The following TNS3 variants were observed in gnomAD, a reference collection of about 807,000 sequenced individuals.
The protein encoded by TNS3 is tensin 3.
In TNS3, 45 loss-of-function variants were observed where a neutral mutation model predicts 140.9. The ratio of observed to expected loss-of-function variants is 0.32; its 90% CI spans 0.25 to 0.41. TNS3 has a LOEUF of 0.41. Ranked by LOEUF, TNS3 falls within the 10% of genes least tolerant of loss-of-function variation. The probability of loss-of-function intolerance (pLI) is 1.00; values close to 1 mark genes in which losing one functional copy is unlikely to be tolerated. For missense variants in TNS3, 1,716 were observed against 1,906.7 expected (o/e 0.90, Z 1.86); for synonymous variants, 815 against 788.4 (o/e 1.03, Z -0.56).
chr7:47,438,697 G>C (rs1013844288), intron 6 of TNS3, among the ~76,000 whole-genome samples: 1 of 152,180 alleles, frequency 6.6e-6, no homozygotes, highest in Non-Finnish European at 1.5e-5. Context: ...ATCCTACTCT[G>C]CCACTTGGGT....
intron 4 of TNS3, among the ~76,000 whole-genome samples, chr7:47,450,656 G>A (rs553619088): frequency 6.6e-6 from 1 of 152,202 alleles, no homozygotes; most frequent in East Asian, 1.9e-4. Flanking sequence ...CAGAAAGCAG[G>A]TCTCCACTAT....
intron 4 of TNS3, among the ~76,000 whole-genome samples, chr7:47,447,686 G>A (rs1281631153): frequency 3.3e-5 from 5 of 152,166 alleles, no homozygotes; most frequent in Admixed American, 3.3e-4. Flanking sequence ...CTCCTGCAGG[G>A]CGCCATCCTG....
At chr7:47,352,307 T>C (rs111778008) in intron 17 of TNS3, among the ~76,000 whole-genome samples, 2,136 of 151,652 alleles carry the variant, frequency 0.014, 52 homozygotes, top group African/African-American at 0.049. Flanking sequence ...CACACTCACA[T>C]TCAGTCTCAG....
In TNS3 at chr7:47,303,241, T is replaced by C. The variant is rs1786520451; in HGVS notation, c.3166A>G (p.Thr1056Ala). 3 of 1,613,646 alleles carry C rather than the reference T, an allele frequency of 1.9e-6. No homozygotes were observed. The highest frequency in any genetic ancestry group is 2.5e-6 in the Non-Finnish European group (3 of 1,180,012). Residue 1056 changes from threonine to alanine, a missense_variant, in exon 22 of 31, where the codon ACA (threonine) becomes GCA (alanine). By Grantham distance (58) the Thr-to-Ala change is moderately conservative (BLOSUM62 0). Around this residue, in one of 3 missense-constraint regions of TNS3, gnomAD observed 1,163 missense variants for 1,182.1 expected, o/e 0.98. Transcript: ENST00000311160. The stretch of plus-strand genomic sequence containing the variant: ...CCATTGTCGGCAGCCCCTGTCGCTG[T>C]CAGCGGGATGCTGGGGGTCGGTGAC... ...GASPTPSIPLTATGAADNGFL... is the reference protein window; with the variant it reads ...GASPTPSIPLAATGAADNGFL...
Position 47,575,176 on chromosome 7 carries a change from TG to T in TNS3, c.-265+6874del, listed in dbSNP as rs1800647625. Among the ~76,000 whole-genome samples the T allele has an allele frequency of 2.6e-5, 4 of 152,174 alleles. No individual in the cohort carries two copies. The South Asian group carries it at 8.3e-4, about 32-fold the overall frequency. ...ATGTAAATGATCAATGAACAAATAG[TG>T]AAGTCCAAATATCATGGTACATCCA... On this transcript the variant is annotated intron_variant, in intron 1 of 30. Transcript: ENST00000311160.
intron 4 of TNS3, among the ~76,000 whole-genome samples, chr7:47,463,947 A>G (rs1796595542): frequency 6.6e-6 from 1 of 152,208 alleles, no homozygotes; most frequent in Non-Finnish European, 1.5e-5. Flanking sequence ...GCCAGTTTCT[A>G]ATTCTAATGC....
chr7:47,380,569 G>A (rs1232947268), intron 16 of TNS3, among the ~76,000 whole-genome samples: 2 of 152,120 alleles, frequency 1.3e-5, no homozygotes, highest in East Asian at 1.9e-4. Flanking sequence ...TAAAGCATCC[G>A]TTCTGCTGAT....
chr7:47,404,650 G>A (rs1168249250), intron 13 of TNS3, among the ~76,000 whole-genome samples: 1 of 151,990 alleles, frequency 6.6e-6, no homozygotes, highest in Admixed American at 6.5e-5. Context: ...ACTTTGGGAG[G>A]CCGAGGCAGG....
chr7:47,358,077 T>C (rs1053812035), intron 17 of TNS3, among the ~76,000 whole-genome samples: 7 of 152,074 alleles, frequency 4.6e-5, no homozygotes, highest in African/African-American at 1.2e-4. Context: ...CCTGTTCACA[T>C]GCATTGGTTT....
intron 23 of TNS3, among the ~76,000 whole-genome samples, chr7:47,299,852 G>A (rs1005677842): frequency 7.2e-5 from 11 of 152,204 alleles, no homozygotes; most frequent in Admixed American, 1.3e-4. Context: ...CACTGGCATC[G>A]CATTCCTCAC....
intron 28 of TNS3, among the ~76,000 whole-genome samples, chr7:47,281,123 T>C (rs1785124502): frequency 6.6e-6 from 1 of 152,186 alleles, no homozygotes. Context: ...CCAAGTCAGA[T>C]GCAGTCACAG....
intron 28 of TNS3, among the ~76,000 whole-genome samples, chr7:47,280,750 TA>T (rs2150536904): frequency 6.6e-6 from 1 of 152,214 alleles, no homozygotes; most frequent in African/African-American, 2.4e-5. Flanking sequence ...CCGTCTCTAC[TA>T]AAAACACAAA....
intron 20 of TNS3, among the ~76,000 whole-genome samples, chr7:47,311,541 T>G (rs887243475): frequency 1.3e-5 from 2 of 152,164 alleles, no homozygotes; most frequent in African/African-American, 4.8e-5. Flanking sequence ...AGTTCATGAT[T>G]TTATCAGCAG....
At chr7:47,354,655 A>G (rs1411064933) in intron 17 of TNS3, among the ~76,000 whole-genome samples, 1 of 151,484 alleles carries the variant, frequency 6.6e-6, no homozygotes, top group Non-Finnish European at 1.5e-5. Context: ...GGTCATGAGT[A>G]CTCAGTGCAG....
chr7:47,362,397 C>T (rs2151098874), intron 17 of TNS3, among the ~76,000 whole-genome samples: 1 of 152,182 alleles, frequency 6.6e-6, no homozygotes, highest in South Asian at 2.1e-4. Flanking sequence ...GATAAATCTC[C>T]CCTCAGTGCC....
chr7:47,362,354 G>A (rs1317964443), intron 17 of TNS3, among the ~76,000 whole-genome samples: 1 of 152,190 alleles, frequency 6.6e-6, no homozygotes, highest in African/African-American at 2.4e-5. Context: ...CTCTGATCTT[G>A]TAGGTGGGCA....
Position 47,439,610 on chromosome 7 carries a change from GA to G in TNS3, c.26del (p.Leu9ProfsTer44). MEEGHGLDLTYITERIIAV... is the reference protein window; with the variant it reads MEEGHGLDXTYITERIIAV... ...CGATGATGCGCTCCGTGATGTAAGT[GA>G]GGTCCAGCCCATGGCCCTCCTCCAT... On this transcript the variant is annotated frameshift_variant, in exon 6 of 31. Coordinates refer to ENST00000311160, the MANE Select transcript of TNS3 (RefSeq NM_022748.12). LOFTEE classifies it high-confidence loss of function. 1 of 1,614,076 alleles carries G rather than the reference GA, an allele frequency of 6.2e-7. No homozygotes were observed. Among genetic ancestry groups the G allele is most frequent in the Non-Finnish European group, 8.5e-7 (1 of 1,179,982 alleles).
intron 2 of TNS3, among the ~76,000 whole-genome samples, chr7:47,511,902 T>C (rs1798625980): frequency 6.6e-6 from 1 of 152,246 alleles, no homozygotes; most frequent in Non-Finnish European, 1.5e-5. Flanking sequence ...CATGCCCTGC[T>C]GGCTGGGAGA....
At chr7:47,297,792 T>A (rs10238502) in intron 23 of TNS3, among the ~76,000 whole-genome samples, 1 of 149,202 alleles carries the variant, frequency 6.7e-6, no homozygotes, top group South Asian at 2.1e-4. Context: ...GAAGTTTTTT[T>A]TTTTTTTTTT....
Sources: gnomAD v4.1 joint callset for allele counts (sites outside exome capture counted in the v4.1 genomes callset) on GRCh38, gnomAD v4.1.1 for gene constraint, gnomAD v4.1.1 regional missense constraint, MANE v1.5 for transcripts, NCBI Gene and HGNC (gene_info 2026-07-23, HGNC 2026-07-21) for gene names.